The following SLC35F1 variants were observed in gnomAD, a reference collection of about 807,000 sequenced individuals.
SLC35F1 encodes solute carrier family 35 member F1.
A neutral mutation model predicts 48.7 loss-of-function variants in SLC35F1; 14 were observed. The observed-to-expected ratio is 0.29, with a 90% CI of 0.19 to 0.45. SLC35F1 has a LOEUF of 0.45. Among genes scored for constraint, SLC35F1 ranks in the 20% least tolerant of loss-of-function variants. The probability of loss-of-function intolerance (pLI) is 1.00; values close to 1 mark genes in which losing one functional copy is unlikely to be tolerated. For synonymous variants in SLC35F1, 190 were observed against 202.2 expected, an observed-to-expected ratio of 0.94 and a Z score of 0.51; for missense variants, 404 against 500.0, an observed-to-expected ratio of 0.81 and a Z score of 1.83.
chr6:118,082,626 C>T (rs1217417887), intron 1 of SLC35F1, among the ~76,000 whole-genome samples: 1 of 151,912 alleles, frequency 6.6e-6, no homozygotes, highest in East Asian at 1.9e-4. Context: ...AAAGTTGAGC[C>T]TTCTGGGATA....
At chr6:118,049,371 A>G (rs1038020010) in intron 1 of SLC35F1, among the ~76,000 whole-genome samples, 10 of 152,172 alleles carry the variant, frequency 6.6e-5, no homozygotes, top group South Asian at 4.1e-4. Context: ...AATGGGATCT[A>G]ATTAAACTAA....
intron 1 of SLC35F1, among the ~76,000 whole-genome samples, chr6:118,112,188 G>A (rs1055079870): frequency 6.6e-6 from 1 of 150,514 alleles, no homozygotes; most frequent in Non-Finnish European, 1.5e-5. Context: ...GAGTGCAGTG[G>A]CACGATCTCG....
At chr6:118,257,281 A>T (rs1373451873) in intron 3 of SLC35F1, among the ~76,000 whole-genome samples, 2 of 152,134 alleles carry the variant, frequency 1.3e-5, no homozygotes, top group Non-Finnish European at 2.9e-5. Flanking sequence ...TGGAGTTGTG[A>T]TGCTTTAAAA....
intron 1 of SLC35F1, among the ~76,000 whole-genome samples, chr6:118,020,862 T>C (rs1330340218): frequency 6.6e-6 from 1 of 152,176 alleles, no homozygotes; most frequent in Non-Finnish European, 1.5e-5. Context: ...CTGAGCACTT[T>C]GTAGTTATCT....
chr6:118,190,777 A>G (rs976422238), intron 2 of SLC35F1, among the ~76,000 whole-genome samples: 2 of 152,196 alleles, frequency 1.3e-5, no homozygotes, highest in Admixed American at 6.5e-5. Context: ...AAACCAAACC[A>G]CCTAAAGTCA....
At chr6:117,979,285 T>C (rs1254844212) in intron 1 of SLC35F1, among the ~76,000 whole-genome samples, 1 of 152,170 alleles carries the variant, frequency 6.6e-6, no homozygotes, top group Non-Finnish European at 1.5e-5. Flanking sequence ...GTTGGAGAGC[T>C]TTTCTTTGTA....
intron 1 of SLC35F1, among the ~76,000 whole-genome samples, chr6:117,994,202 GC>G (rs568242477): frequency 6.6e-5 from 10 of 151,112 alleles, no homozygotes; most frequent in Non-Finnish European, 1.2e-4. Flanking sequence ...TTATCACATT[GC>G]CCCCCCCATC....
At chr6:118,062,968 TA>T (rs755797671) in intron 1 of SLC35F1, among the ~76,000 whole-genome samples, 1 of 152,112 alleles carries the variant, frequency 6.6e-6, no homozygotes, top group Non-Finnish European at 1.5e-5. Context: ...TATCTCCTAA[TA>T]CTGGAATTTT....
At chr6:118,061,963 G>A (rs1363447080) in intron 1 of SLC35F1, among the ~76,000 whole-genome samples, 2 of 152,094 alleles carry the variant, frequency 1.3e-5, no homozygotes, top group African/African-American at 2.4e-5. Flanking sequence ...AACAGGCCAC[G>A]GACTGGTACC....
intron 3 of SLC35F1, among the ~76,000 whole-genome samples, chr6:118,264,900 T>C (rs1775753011): frequency 6.6e-6 from 1 of 152,236 alleles, no homozygotes; most frequent in African/African-American, 2.4e-5. Flanking sequence ...CTCACATTGC[T>C]AATTAACTGC....
chr6:118,268,327 C>T (rs906045633), intron 4 of SLC35F1, among the ~76,000 whole-genome samples: 1 of 151,188 alleles, frequency 6.6e-6, no homozygotes, highest in Non-Finnish European at 1.5e-5. Context: ...GAGACAGCCT[C>T]AGCCTCACAC....
chr6:118,122,741 A>G (rs1239936386), intron 1 of SLC35F1, among the ~76,000 whole-genome samples: 1 of 152,204 alleles, frequency 6.6e-6, no homozygotes, highest in Non-Finnish European at 1.5e-5. Context: ...AGGCAGCCGC[A>G]AAGAAAAGGA....
chr6:118,099,106 G>A (rs1019990569), intron 1 of SLC35F1, among the ~76,000 whole-genome samples: 9 of 152,214 alleles, frequency 5.9e-5, no homozygotes, highest in African/African-American at 2.2e-4. Context: ...ACATTCCCTA[G>A]GGGCTGGAAA....
chr6:117,986,587 A>G (rs765738232), intron 1 of SLC35F1, among the ~76,000 whole-genome samples: 69 of 152,130 alleles, frequency 4.5e-4, no homozygotes, highest in African/African-American at 1.6e-3. Context: ...CCTGTTCCGG[A>G]TCACCTCTTC....
chr6:118,068,119 T>A (rs1056731525), intron 1 of SLC35F1, among the ~76,000 whole-genome samples: 1 of 152,116 alleles, frequency 6.6e-6, no homozygotes, highest in African/African-American at 2.4e-5. Context: ...TTCACCTTTT[T>A]CCTGCCTTTT....
At chr6:117,922,223 T>C (rs1775908790) in intron 1 of SLC35F1, among the ~76,000 whole-genome samples, 3 of 152,132 alleles carry the variant, frequency 2.0e-5, no homozygotes. Context: ...GAAGAAAAGC[T>C]AAGAGAGTTG....
At chr6:118,280,877 A>C (rs947086895) in intron 6 of SLC35F1, among the ~76,000 whole-genome samples, 24 of 142,880 alleles carry the variant, frequency 1.7e-4, no homozygotes, top group South Asian at 1.1e-3. Flanking sequence ...CCCAAAAAAA[A>C]AAAAACAATA....
intron 1 of SLC35F1, among the ~76,000 whole-genome samples, chr6:118,026,564 C>T (rs1353762862): frequency 5.3e-5 from 8 of 152,246 alleles, no homozygotes; most frequent in Admixed American, 1.3e-4. Flanking sequence ...GGAATCCCAG[C>T]GTTGTTGAAA....
intron 1 of SLC35F1, among the ~76,000 whole-genome samples, chr6:117,914,518 A>C (rs994719068): frequency 7.2e-5 from 11 of 152,310 alleles, no homozygotes; most frequent in African/African-American, 2.6e-4. Context: ...TCATTGATTC[A>C]TTCATGCAGG....
Sources: allele counts gnomAD v4.1 joint callset (sites outside exome capture counted in the v4.1 genomes callset), GRCh38; gene constraint gnomAD v4.1.1; transcripts MANE v1.5; gene names NCBI Gene and HGNC (gene_info 2026-07-23, HGNC 2026-07-21).